The following ZXDC variants were observed in gnomAD, a reference collection of about 807,000 sequenced individuals.
ZXDC encodes ZXD family zinc finger C, also known as zinc finger protein ZXDC.
A neutral mutation model predicts 63.6 loss-of-function variants in ZXDC; 58 were observed. The ratio of observed to expected loss-of-function variants is 0.91; its 90% confidence interval spans 0.74 to 1.13. ZXDC has a LOEUF of 1.13. Among genes scored for constraint, ZXDC ranks in the 50% most tolerant of loss-of-function variants. The probability of loss-of-function intolerance (pLI) is 0.00; values close to 1 mark genes in which losing one functional copy is unlikely to be tolerated. For missense variants in ZXDC, 1,133 were observed against 1,148.9 expected, an observed-to-expected ratio of 0.99 and a Z score of 0.20; for synonymous variants, 561 against 496.1, an observed-to-expected ratio of 1.13 and a Z score of -1.74.
chr3:126,446,013 T>C (rs1471407742), intron 7 of ZXDC, among the ~76,000 whole-genome samples: 4 of 152,166 alleles, frequency 2.6e-5, no homozygotes, highest in Admixed American at 6.5e-5. Flanking sequence ...TCCTCACTAG[T>C]AAAGGGCGCC....
chr3:126,454,364 C>T (rs1934230121), intron 7 of ZXDC: 1 of 985,134 alleles, frequency 1.0e-6, no homozygotes, highest in South Asian at 4.7e-5. Context: ...TCTTATAGTT[C>T]TGTTGTAGGC....
At chr3:126,447,772 C>T (rs1933937101) in intron 7 of ZXDC, among the ~76,000 whole-genome samples, 1 of 152,246 alleles carries the variant, frequency 6.6e-6, no homozygotes, top group Non-Finnish European at 1.5e-5. Flanking sequence ...TCTGTGGACC[C>T]TGCACGTCTC....
chr3:126,457,625 A>C, intron 7 of ZXDC: 1 of 985,456 alleles, frequency 1.0e-6, no homozygotes, highest in African/African-American at 1.7e-5. Flanking sequence ...GATGCTAAGA[A>C]ACTCACACAG....
intron 8 of ZXDC, chr3:126,441,131 G>A (rs1197222541): frequency 1.0e-6 from 1 of 985,688 alleles, no homozygotes; most frequent in Non-Finnish European, 1.2e-6. Context: ...TGAGACTGAA[G>A]ATGCAGGTGT....
intron 7 of ZXDC, chr3:126,451,820 A>G (rs949650311): frequency 2.0e-6 from 2 of 985,208 alleles, no homozygotes; most frequent in African/African-American, 3.5e-5. Context: ...ACTCTGGGAA[A>G]TGATTTAACC....
At chr3:126,466,060 C>T in intron 5 of ZXDC, 95 bp downstream of exon 5, 2 of 1,439,450 alleles carry the variant, frequency 1.4e-6, no homozygotes, top group Non-Finnish European at 1.9e-6. Flanking sequence ...CTGCCTGACG[C>T]CTTCCAAGAG....
At chr3:126,459,433 C>G (rs907590244) in intron 7 of ZXDC, 101 of 985,328 alleles carry the variant, frequency 1.0e-4, no homozygotes, top group Non-Finnish European at 1.2e-4. Context: ...TTTCACAAAG[C>G]TTGTTTAGGC....
intron 7 of ZXDC, among the ~76,000 whole-genome samples, chr3:126,447,074 G>A (rs906853333): frequency 6.6e-6 from 1 of 152,216 alleles, no homozygotes; most frequent in South Asian, 2.1e-4. Flanking sequence ...CTCTCCTCCA[G>A]GGCATCTGGC....
chr3:126,459,203 G>T (rs1222406157), intron 7 of ZXDC: 1 of 985,278 alleles, frequency 1.0e-6, no homozygotes, highest in Non-Finnish European at 1.2e-6. Context: ...TTTCAAATAA[G>T]ATTTCAACAT....
At position 126,475,246 on chromosome 3, in the gene ZXDC, G is replaced by A; in HGVS notation, c.620C>T (p.Pro207Leu). 6.4e-7 allele frequency: 1 copy of A among 1,560,244 alleles called. No homozygotes were observed. The highest frequency in any genetic ancestry group is 8.7e-7 in the Non-Finnish European group (1 of 1,152,322). ...LTHGGGQGRR[P>L]FKCPLEGCGW... is the part of the protein sequence containing the mutation. The stretch of plus-strand genomic sequence containing the variant: ...ACAGCCCTCCAGTGGGCACTTGAAG[G>A]GCCGCCGGCCCTGACCGCCGCCGTG... The change falls in exon 1 of 10, where the codon CCC (proline) becomes CTC (leucine). Residue 207 changes from proline (P) to leucine (L), a missense_variant. By Grantham distance (98) the Pro-to-Leu change is moderately conservative. Coordinates refer to ENST00000389709, the MANE Select transcript of ZXDC (RefSeq NM_025112.5).
chr3:126,459,380 A>C (rs1183174368), intron 7 of ZXDC: 2 of 985,444 alleles, frequency 2.0e-6, no homozygotes, highest in Non-Finnish European at 2.4e-6. Context: ...TATTTACCTT[A>C]GTAGCCTTCC....
At chr3:126,440,391 T>A in intron 8 of ZXDC, 1 of 985,566 alleles carries the variant, frequency 1.0e-6, no homozygotes, top group Non-Finnish European at 1.2e-6. Context: ...TCCCATTTCA[T>A]AGATGACAAA....
intron 7 of ZXDC, among the ~76,000 whole-genome samples, chr3:126,455,711 G>A (rs376455694): frequency 1.4e-4 from 21 of 152,074 alleles, no homozygotes; most frequent in Non-Finnish European, 2.8e-4. Context: ...AATCAATATC[G>A]TTGAGGCCGG....
chr3:126,455,315 C>G (rs939922189), intron 7 of ZXDC, among the ~76,000 whole-genome samples: 4 of 152,168 alleles, frequency 2.6e-5, no homozygotes, highest in Non-Finnish European at 5.9e-5. Context: ...ACCATATTAT[C>G]TAAAATTTGA....
intron 6 of ZXDC, chr3:126,460,275 G>A: frequency 3.8e-6 from 2 of 525,024 alleles, no homozygotes; most frequent in Non-Finnish European, 4.9e-6. Context: ...GTACTCAGAG[G>A]ACATCAGCTG....
intron 7 of ZXDC, among the ~76,000 whole-genome samples, chr3:126,444,412 G>A (rs1304370573): frequency 6.6e-6 from 1 of 151,930 alleles, no homozygotes. Context: ...GGTGCCTGTA[G>A]TCCCAGCTAC....
intron 4 of ZXDC, among the ~76,000 whole-genome samples, chr3:126,470,284 T>C (rs1415578279): frequency 6.6e-6 from 1 of 152,100 alleles, no homozygotes; most frequent in Non-Finnish European, 1.5e-5. Context: ...CTGGCCAACA[T>C]GGTGAAACCC....
chr3:126,474,415 A>G (rs1365107953), intron 1 of ZXDC, among the ~76,000 whole-genome samples: 1 of 152,184 alleles, frequency 6.6e-6, no homozygotes, highest in Non-Finnish European at 1.5e-5. Context: ...TTCATCTGTA[A>G]AAGAGGACAG....
intron 6 of ZXDC, 28 bp downstream of exon 6, chr3:126,461,507 G>A: frequency 1.3e-6 from 2 of 1,585,200 alleles, no homozygotes; most frequent in South Asian, 1.1e-5. Flanking sequence ...TGACCTATAT[G>A]GTGGTGACTG....
Sources: gnomAD v4.1 joint callset for allele counts (sites outside exome capture counted in the v4.1 genomes callset) on GRCh38, gnomAD v4.1.1 for gene constraint, MANE v1.5 for transcripts, NCBI Gene and HGNC (gene_info 2026-07-23, HGNC 2026-07-21) for gene names.